The following SQOR variants were observed in gnomAD, a reference collection of about 807,000 sequenced individuals.
SQOR encodes sulfide quinone oxidoreductase.
Under a neutral mutation model 48.6 loss-of-function variants are expected in SQOR, and 39 were observed. The ratio of observed to expected loss-of-function variants is 0.80; its 90% CI spans 0.62 to 1.05. SQOR has a LOEUF of 1.05. Among genes scored for constraint, SQOR ranks in the 50% least tolerant of loss-of-function variants. The pLI is 0.00. For synonymous variants in SQOR, 220 were observed against 206.2 expected, an observed-to-expected ratio of 1.07 and a Z score of -0.57; for missense variants, 561 against 559.9, an observed-to-expected ratio of 1.00 and a Z score of -0.02.
chr15:45,690,828 A>G, intron 9 of SQOR, 145 bp from the exon 10 acceptor site: 1 of 742,358 alleles, frequency 1.3e-6, no homozygotes, highest in Non-Finnish European at 2.4e-6. Flanking sequence ...TAGTCATGGG[A>G]TCTCTCCAAC....
rs536208628 is a variant in SQOR at position 45,660,816 on chromosome 15, C to T, written c.235-1139C>T. ...ATTGCAAAGTCATTCCTGGTGTCCT[C>T]TTCACCTCTCTGTGGGTTTTGGCAG... On this transcript the variant is annotated intron_variant, in intron 2 of 9. Coordinates refer to ENST00000260324, the MANE Select transcript of SQOR (RefSeq NM_021199.4). Among the ~76,000 whole-genome samples the T allele has an allele frequency of 3.5e-4, 53 of 152,200 alleles. No homozygotes were observed. In the South Asian group the frequency reaches 0.011, roughly 32 times the overall value.
At chr15:45,661,491 A>G (rs1462303427) in intron 2 of SQOR, among the ~76,000 whole-genome samples, 1 of 152,044 alleles carries the variant, frequency 6.6e-6, no homozygotes, top group Non-Finnish European at 1.5e-5. Context: ...CACAGTTGGA[A>G]GTTAATGAAG....
At chr15:45,675,656 T>C (rs1010038143) in intron 5 of SQOR, among the ~76,000 whole-genome samples, 1 of 152,134 alleles carries the variant, frequency 6.6e-6, no homozygotes, top group Non-Finnish European at 1.5e-5. Context: ...TGCCTCGGCC[T>C]CCCAAAGTGC....
chr15:45,639,507 C>T (rs1895069049), intron 1 of SQOR, among the ~76,000 whole-genome samples: 1 of 152,230 alleles, frequency 6.6e-6, no homozygotes, highest in East Asian at 1.9e-4. Context: ...GCCCTAGCTA[C>T]ATGAATGGAG....
rs547793783 is a variant in SQOR at position 45,662,595 on chromosome 15, G to A, written c.405+470G>A. ...CTGTAGGGGAATCCTGTGACTCTGA[G>A]GTTCATGCCAGCGCTAAGGAGAATT... On this transcript the variant is annotated intron_variant, in intron 3 of 9. Transcript: ENST00000260324. Among the ~76,000 whole-genome samples, 9 of 152,326 alleles carry A rather than the reference G, an allele frequency of 5.9e-5. No individual in the cohort carries two copies. The East Asian group carries it at 1.7e-3, about 29-fold the overall frequency.
In SQOR at chr15:45,658,989, G is replaced by A. The variant is rs752299752; in HGVS notation, c.66G>A (p.Leu22=). The change falls in exon 2 of 10, where the codon CTG becomes CTA. Residue 22 remains leucine (L), a synonymous_variant. Transcript: ENST00000260324. ...RAQLFACLLR[L]GTQQVGPLQL... is the part of the protein sequence containing the mutation. The stretch of plus-strand genomic sequence containing the variant: ...AGCTCTTTGCCTGCCTGCTCAGGCT[G>A]GGCACTCAGCAGGTCGGCCCCCTTC... 8 of 1,601,876 alleles carry A rather than the reference G, an allele frequency of 5.0e-6. No individual in the cohort carries two copies. Among genetic ancestry groups the A allele is most frequent in the Non-Finnish European group, 6.8e-6 (8 of 1,173,880 alleles).
At chr15:45,655,571 C>G (rs1484973505) in intron 1 of SQOR, among the ~76,000 whole-genome samples, 2 of 151,526 alleles carry the variant, frequency 1.3e-5, no homozygotes, top group African/African-American at 4.9e-5. Flanking sequence ...GTGAAAAGTA[C>G]ATACAAAGAA....
intron 8 of SQOR, among the ~76,000 whole-genome samples, chr15:45,688,746 C>T (rs1340335129): frequency 1.3e-5 from 2 of 152,120 alleles, no homozygotes; most frequent in African/African-American, 4.8e-5. Flanking sequence ...CTCCTGACCT[C>T]AGATGATCCA....
In SQOR at chr15:45,689,178, C is replaced by T. The variant is rs765867517; in HGVS notation, c.1256C>T (p.Ala419Val). The change falls in exon 9 of 10, where the codon GCT (alanine) becomes GTT (valine). Residue 419 changes from alanine (A) to valine (V), a missense_variant. Transcript: ENST00000260324. ...CGCCTTTCCATGTATCTCATGAAAG[C>T]TGACCTGATGCCTTTCCTGTATTGG... ...KERLSMYLMK[A>V]DLMPFLYWNM... is the part of the protein sequence containing the mutation. 4.3e-6 allele frequency: 7 copies of T among 1,613,988 alleles called. No individual in the cohort carries two copies. Among genetic ancestry groups the T allele is most frequent in the Admixed American group, 1.7e-5 (1 of 59,988 alleles).
chr15:45,668,181 T>C (rs1247341230), intron 3 of SQOR, among the ~76,000 whole-genome samples: 1 of 152,062 alleles, frequency 6.6e-6, no homozygotes, highest in African/African-American at 2.4e-5. Flanking sequence ...CCTGACCTTT[T>C]GATCCACCCG....
chr15:45,639,713 T>A (rs1228350923), intron 1 of SQOR, among the ~76,000 whole-genome samples: 2 of 152,236 alleles, frequency 1.3e-5, no homozygotes, highest in Non-Finnish European at 2.9e-5. Flanking sequence ...GAGTATAGAT[T>A]GTGAGAGCTC....
At chr15:45,654,503 A>T (rs935417638) in intron 1 of SQOR, among the ~76,000 whole-genome samples, 1 of 152,170 alleles carries the variant, frequency 6.6e-6, no homozygotes, top group Non-Finnish European at 1.5e-5. Flanking sequence ...ATGGATAATT[A>T]ATGAAATAAA....
At chr15:45,679,578 G>A (rs1890090879) in intron 6 of SQOR, among the ~76,000 whole-genome samples, 1 of 152,152 alleles carries the variant, frequency 6.6e-6, no homozygotes, top group East Asian at 1.9e-4. Context: ...GCAGGAGCCT[G>A]TAATCCCAGC....
Position 45,689,227 on chromosome 15 carries a change from C to T in SQOR, c.1295+10C>T. 1 of 1,612,740 alleles carries T rather than the reference C, an allele frequency of 6.2e-7. No homozygotes were observed. The highest frequency in any genetic ancestry group is 8.5e-7 in the Non-Finnish European group (1 of 1,179,184). Reference sequence around the variant, plus strand: ...GGAATATGATGCTAAGGTAAGTGCACTGCCTGGTTCCTGGATGAGGAAAGG... The same window carrying T: ...GGAATATGATGCTAAGGTAAGTGCATTGCCTGGTTCCTGGATGAGGAAAGG... On this transcript the variant is annotated intron_variant, in intron 9 of 9. Transcript: ENST00000260324.
chr15:45,645,646 C>T (rs1895191322), intron 1 of SQOR, among the ~76,000 whole-genome samples: 2 of 152,228 alleles, frequency 1.3e-5, no homozygotes, highest in Non-Finnish European at 2.9e-5. Flanking sequence ...TCAACTGAAA[C>T]ATGGCTTGTC....
Position 45,691,197 on chromosome 15 carries a change from G to A in SQOR, c.*167G>A, listed in dbSNP as rs1468279231. On this transcript the variant is annotated 3_prime_UTR_variant, in exon 10 of 10. Coordinates refer to ENST00000260324, the MANE Select transcript of SQOR (RefSeq NM_021199.4). ...TTCAGTACCTTTGAACAGCAACCATGTGGGCTACTCATGATGGGCTTGATT... is the reference window on the plus strand; with the variant it reads ...TTCAGTACCTTTGAACAGCAACCATATGGGCTACTCATGATGGGCTTGATT... 7.8e-6 allele frequency: 5 copies of A among 641,788 alleles called. No homozygotes were observed. The highest frequency in any genetic ancestry group is 1.4e-5 in the Non-Finnish European group (5 of 353,432). The allele number at this position is 641,788 out of a possible 1,614,324, so 39.8% of individuals were successfully genotyped here.
At chr15:45,637,734 G>C (rs1468229655) in intron 1 of SQOR, among the ~76,000 whole-genome samples, 2 of 152,326 alleles carry the variant, frequency 1.3e-5, no homozygotes, top group Admixed American at 6.5e-5. Context: ...TTCCTTTGCA[G>C]AACAGTTTCT....
rs140863741 is a variant in SQOR at position 45,663,982 on chromosome 15, C to T, written c.405+1857C>T. Among the ~76,000 whole-genome samples, 1,161 of 152,102 alleles carry T rather than the reference C, an allele frequency of 7.6e-3. 15 individuals are homozygous for T. The highest frequency in any genetic ancestry group is 0.027 in the African/African-American group (1,118 of 41,466). ...GATATTATATTCTAGTCAGGGAGAA[C>T]ATACAATCAACATAGACATGATAAG... is the stretch of plus-strand genomic sequence containing the variant. On this transcript the variant is annotated intron_variant, in intron 3 of 9. Transcript: ENST00000260324.
chr15:45,663,105 C>T (rs1889750274), intron 3 of SQOR, among the ~76,000 whole-genome samples: 1 of 152,150 alleles, frequency 6.6e-6, no homozygotes. Flanking sequence ...GCAACCTCTA[C>T]CTCCTGGGTT....
Sources: gnomAD v4.1 joint callset for allele counts (sites outside exome capture counted in the v4.1 genomes callset) on GRCh38, gnomAD v4.1.1 for gene constraint, MANE v1.5 for transcripts, NCBI Gene and HGNC (gene_info 2026-07-23, HGNC 2026-07-21) for gene names.